The following GALNT13 variants were observed in gnomAD, a reference collection of about 807,000 sequenced individuals.
GALNT13 encodes UDP-GalNAc:polypeptide N-acetylgalactosaminyltransferase 13.
In GALNT13, 28 loss-of-function variants were observed where a neutral mutation model predicts 64.2. The observed-to-expected ratio is 0.44, with a 90% CI of 0.32 to 0.60. GALNT13 has a LOEUF of 0.60. GALNT13 is among the 20% of genes least tolerant of loss of function. GALNT13 has a pLI of 0.05. For missense variants in GALNT13, 577 were observed against 669.8 expected (o/e 0.86, Z 1.53); for synonymous variants, 214 against 224.6 (o/e 0.95, Z 0.42).
intron 3 of GALNT13, among the ~76,000 whole-genome samples, chr2:154,110,320 T>G (rs1409919918): frequency 8.3e-4 from 29 of 35,142 alleles, no homozygotes; most frequent in African/African-American, 2.9e-3. Flanking sequence ...TATATATATA[T>G]ATATATATAT....
At chr2:154,303,762 CTT>C (rs756444438) in intron 9 of GALNT13, among the ~76,000 whole-genome samples, 6 of 143,898 alleles carry the variant, frequency 4.2e-5, no homozygotes, top group African/African-American at 7.6e-5. Flanking sequence ...GAAATTCAAA[CTT>C]TTTTTTTTTT....
At chr2:153,438,777 C>G in the GALNT13 span, among the ~76,000 whole-genome samples, 1 of 152,066 alleles carries the variant, frequency 6.6e-6, no homozygotes, top group Non-Finnish European at 1.5e-5. Flanking sequence ...CAGACTTCCT[C>G]CTTTAGCTCA....
chr2:153,574,715 C>CTTTT, the GALNT13 span, among the ~76,000 whole-genome samples: 66 of 141,290 alleles, frequency 4.7e-4, 1 homozygote, highest in African/African-American at 1.6e-3. Context: ...TTATTTCAAT[C>CTTTT]TTTTTTTTTT....
chr2:153,915,437 G>C (rs1490106545), intron 2 of GALNT13, among the ~76,000 whole-genome samples: 1 of 152,060 alleles, frequency 6.6e-6, no homozygotes, highest in Non-Finnish European at 1.5e-5. Context: ...GGCCAATTCT[G>C]ATCCTTAAGT....
chr2:154,252,384 C>T (rs1038984677), intron 7 of GALNT13, among the ~76,000 whole-genome samples: 125 of 147,490 alleles, frequency 8.5e-4, no homozygotes, highest in African/African-American at 3.1e-3. Context: ...GAGATGGAGT[C>T]TCGCTCTGTC....
the GALNT13 span, among the ~76,000 whole-genome samples, chr2:153,691,678 C>A: frequency 6.6e-6 from 1 of 151,936 alleles, no homozygotes; most frequent in African/African-American, 2.4e-5. Flanking sequence ...TATCTGAAAA[C>A]CACAATATGA....
At chr2:153,141,400 A>T in the GALNT13 span, among the ~76,000 whole-genome samples, 8 of 152,006 alleles carry the variant, frequency 5.3e-5, no homozygotes, top group Non-Finnish European at 1.2e-4. Context: ...CTAAGATTAA[A>T]GGCCTATAAG....
At chr2:153,587,590 C>G in the GALNT13 span, among the ~76,000 whole-genome samples, 1 of 152,142 alleles carries the variant, frequency 6.6e-6, no homozygotes, top group African/African-American at 2.4e-5. Context: ...TTCACTATCA[C>G]AAGAACAGCA....
At chr2:153,573,206 CTCT>C in the GALNT13 span, among the ~76,000 whole-genome samples, 2 of 151,800 alleles carry the variant, frequency 1.3e-5, no homozygotes, top group African/African-American at 4.8e-5. Flanking sequence ...CTTTGTTTGT[CTCT>C]TCTTATAGTT....
At chr2:153,996,871 T>TTC (rs1162195425) in intron 3 of GALNT13, among the ~76,000 whole-genome samples, 2 of 152,144 alleles carry the variant, frequency 1.3e-5, no homozygotes, top group Non-Finnish European at 2.9e-5. Flanking sequence ...TCCAATTTCA[T>TTC]TCTTCTACGT....
At chr2:153,924,256 A>G (rs972317076) in intron 2 of GALNT13, among the ~76,000 whole-genome samples, 1 of 106,782 alleles carries the variant, frequency 9.4e-6, no homozygotes, top group Admixed American at 1.4e-4. Flanking sequence ...GTTTGCCCCC[A>G]TGTGTCTATG....
the GALNT13 span, among the ~76,000 whole-genome samples, chr2:153,087,366 G>A: frequency 1.3e-5 from 2 of 152,034 alleles, no homozygotes; most frequent in Admixed American, 6.6e-5. Context: ...TTGATATACT[G>A]TTGGCGTCTG....
intron 9 of GALNT13, among the ~76,000 whole-genome samples, chr2:154,323,037 A>G (rs1176627997): frequency 6.6e-6 from 1 of 152,012 alleles, no homozygotes; most frequent in African/African-American, 2.4e-5. Context: ...AAATGTTTCA[A>G]GGGGCCTACA....
intron 9 of GALNT13, among the ~76,000 whole-genome samples, chr2:154,374,953 G>A (rs146911228): frequency 6.6e-6 from 1 of 152,218 alleles, no homozygotes; most frequent in African/African-American, 2.4e-5. Context: ...CCTGGACAGG[G>A]AAATGTAAAT....
At chr2:153,639,374 A>G in the GALNT13 span, among the ~76,000 whole-genome samples, 2 of 152,180 alleles carry the variant, frequency 1.3e-5, no homozygotes, top group African/African-American at 4.8e-5. Flanking sequence ...TGATAATGCC[A>G]AGGTTTCTAA....
At chr2:153,488,080 G>T in the GALNT13 span, among the ~76,000 whole-genome samples, 2 of 152,202 alleles carry the variant, frequency 1.3e-5, no homozygotes, top group African/African-American at 2.4e-5. Flanking sequence ...GCCAAAGGAA[G>T]GAGGTGGCTT....
rs573194824 is a variant in GALNT13, at chr2:154,040,145, C to A, written c.142+95506C>A. Among the ~76,000 whole-genome samples the A allele has an allele frequency of 3.1e-4, 44 of 140,844 alleles. 4 individuals carry two copies. The highest frequency in any genetic ancestry group is 9.5e-4 in the African/African-American group (39 of 40,956). 92.4% of individuals were successfully genotyped at this position (140,844 alleles called of 152,430 possible). On this transcript the variant is annotated intron_variant, in intron 3 of 12. Coordinates refer to ENST00000392825, the MANE Select transcript of GALNT13 (RefSeq NM_052917.4). ...GCACAGTGTCACGTGAGACATGGTTCCTGTCTCCAGTGAGTTATTGTCCAA... is the reference window on the plus strand; with the variant it reads ...GCACAGTGTCACGTGAGACATGGTTACTGTCTCCAGTGAGTTATTGTCCAA...
At chr2:153,841,115 T>C in the GALNT13 span, among the ~76,000 whole-genome samples, 1 of 152,146 alleles carries the variant, frequency 6.6e-6, no homozygotes, top group East Asian at 1.9e-4. Flanking sequence ...TTTAGTGTCA[T>C]AACAATTTAA....
At chr2:154,429,630 A>C (rs1420209705) in intron 11 of GALNT13, among the ~76,000 whole-genome samples, 1 of 152,232 alleles carries the variant, frequency 6.6e-6, no homozygotes, top group Non-Finnish European at 1.5e-5. Flanking sequence ...TCCAGCTAAG[A>C]TCATTGATAA....
Sources: allele counts gnomAD v4.1 joint callset (sites outside exome capture counted in the v4.1 genomes callset), GRCh38; gene constraint gnomAD v4.1.1; transcripts MANE v1.5; gene names NCBI Gene and HGNC (gene_info 2026-07-23, HGNC 2026-07-21).